Variants in NCOA7 observed in about 807,000 individuals in gnomAD.
NCOA7 encodes nuclear receptor coactivator 7, also known as 140 kDa estrogen receptor-associated protein.
Under a neutral mutation model 104.3 loss-of-function variants are expected in NCOA7, and 45 were observed. That is an observed-to-expected ratio of 0.43 (90% CI 0.34 to 0.55). The LOEUF is 0.55. NCOA7 is among the 20% of genes least tolerant of loss of function. NCOA7 has a pLI of 0.02. For missense variants in NCOA7, 1,041 were observed against 1,119.7 expected, an observed-to-expected ratio of 0.93 and a Z score of 1.00; for synonymous variants, 398 against 402.3, an observed-to-expected ratio of 0.99 and a Z score of 0.13.
intron 12 of NCOA7, among the ~76,000 whole-genome samples, chr6:125,921,365 G>A (rs550138123): frequency 2.0e-5 from 3 of 151,850 alleles, no homozygotes; most frequent in East Asian, 1.9e-4. Context: ...AGCCAAGATC[G>A]CACCACTGCA....
At chr6:125,869,967 G>A (rs888864621) in intron 3 of NCOA7, among the ~76,000 whole-genome samples, 3 of 152,186 alleles carry the variant, frequency 2.0e-5, no homozygotes, top group African/African-American at 7.2e-5. Context: ...AGAAACAGTA[G>A]GAAACTAGTT....
chr6:125,842,630 T>A (rs1368191146), intron 2 of NCOA7, among the ~76,000 whole-genome samples: 1 of 152,146 alleles, frequency 6.6e-6, no homozygotes, highest in African/African-American at 2.4e-5. Flanking sequence ...ATAAACAGCT[T>A]TGTGTAAGGG....
chr6:125,854,722 A>C (rs1781407173), intron 2 of NCOA7, among the ~76,000 whole-genome samples: 1 of 152,212 alleles, frequency 6.6e-6, no homozygotes, highest in Non-Finnish European at 1.5e-5. Flanking sequence ...AAAAATACTC[A>C]ACATTTCTTA....
At chr6:125,825,114 G>A (rs1195463161) in intron 2 of NCOA7, among the ~76,000 whole-genome samples, 2 of 149,234 alleles carry the variant, frequency 1.3e-5, no homozygotes, top group East Asian at 4.0e-4. Context: ...TAGGTGGGAG[G>A]AGTGCTAGAT....
intron 2 of NCOA7, among the ~76,000 whole-genome samples, chr6:125,830,532 T>A (rs536040818): frequency 1.3e-5 from 2 of 152,136 alleles, no homozygotes; most frequent in South Asian, 2.1e-4. Context: ...CTACAAAAAA[T>A]TTTTTTAAAT....
chr6:125,840,114 A>G (rs992920349), intron 2 of NCOA7, among the ~76,000 whole-genome samples: 1 of 152,058 alleles, frequency 6.6e-6, no homozygotes, highest in African/African-American at 2.4e-5. Flanking sequence ...GTGGAAGACA[A>G]TGACGTTGAT....
intron 10 of NCOA7, among the ~76,000 whole-genome samples, chr6:125,912,121 T>C (rs759890804): frequency 1.1e-4 from 16 of 152,240 alleles, no homozygotes; most frequent in Non-Finnish European, 2.4e-4. Flanking sequence ...CTTCAATTCG[T>C]GCTGTACAGG....
At chr6:125,848,120 T>C (rs1319957613) in intron 2 of NCOA7, among the ~76,000 whole-genome samples, 1 of 152,180 alleles carries the variant, frequency 6.6e-6, no homozygotes, top group Non-Finnish European at 1.5e-5. Flanking sequence ...ACGCCAGTTA[T>C]AATGGCGATC....
intron 4 of NCOA7, among the ~76,000 whole-genome samples, 155 bp from the exon 5 acceptor site, chr6:125,878,108 A>T (rs1274229949): frequency 6.6e-6 from 1 of 152,242 alleles, no homozygotes; most frequent in African/African-American, 2.4e-5. Flanking sequence ...AAATGATTTT[A>T]TTAAGAATTG....
intron 3 of NCOA7, among the ~76,000 whole-genome samples, chr6:125,868,955 T>TAAGCCC (rs1428671602): frequency 1.3e-5 from 2 of 152,238 alleles, no homozygotes; most frequent in Non-Finnish European, 2.9e-5. Context: ...ATAGTAAGTT[T>TAAGCCC]AAGCCCCATG....
At chr6:125,907,665 A>T (rs930410786) in intron 10 of NCOA7, among the ~76,000 whole-genome samples, 9 of 152,186 alleles carry the variant, frequency 5.9e-5, no homozygotes, top group Non-Finnish European at 8.8e-5. Context: ...CATTTATTTT[A>T]AAAAAGCGGG....
chr6:125,874,964 A>G lies in NCOA7; in HGVS notation c.347A>G (p.Tyr116Cys). Reference sequence around the variant, plus strand: ...CAGAAGCCCCATGGGACTATGGAATACACTGTGAGTATAACCAAGGTGGTA... The same window carrying G: ...CAGAAGCCCCATGGGACTATGGAATGCACTGTGAGTATAACCAAGGTGGTA... ...VVQKPHGTME[Y>C]TAGNQDTLNS... is the part of the protein sequence containing the mutation. The change falls in exon 4 of 16, where the codon TAC becomes TGC. Residue 116 changes from tyrosine to cysteine, a missense_variant. Physicochemically the swap from Tyr to Cys is radical, Grantham distance 194. Around this residue, in one of 2 missense-constraint regions of NCOA7, gnomAD observed 914 missense variants for 942.7 expected, o/e 0.97. Coordinates refer to ENST00000392477, the MANE Select transcript of NCOA7 (RefSeq NM_181782.5). 1.9e-6 allele frequency: 3 copies of G among 1,610,252 alleles called. No individual in the cohort carries two copies. In the South Asian group the frequency reaches 3.3e-5, roughly 18 times the overall value.
intron 2 of NCOA7, among the ~76,000 whole-genome samples, chr6:125,840,897 T>G: frequency 2.0e-5 from 1 of 51,058 alleles, no homozygotes; most frequent in East Asian, 7.8e-4. Flanking sequence ...TTTTTTTTTT[T>G]TTTTTTTTTT....
At chr6:125,923,500 T>G (rs1787767028) in intron 13 of NCOA7, among the ~76,000 whole-genome samples, 2 of 152,190 alleles carry the variant, frequency 1.3e-5, no homozygotes, top group Non-Finnish European at 2.9e-5. Context: ...CTGTCCAGGT[T>G]TTTTTCGGTC....
chr6:125,914,739 A>T (rs1786899012), intron 10 of NCOA7, among the ~76,000 whole-genome samples: 1 of 152,214 alleles, frequency 6.6e-6, no homozygotes, highest in Non-Finnish European at 1.5e-5. Flanking sequence ...GCCTGGAAAG[A>T]TACTTTGGAA....
intron 1 of NCOA7, among the ~76,000 whole-genome samples, chr6:125,811,399 G>A (rs1398963356): frequency 6.6e-6 from 1 of 152,188 alleles, no homozygotes; most frequent in African/African-American, 2.4e-5. Context: ...AGGAATTTAT[G>A]GTTGGGGCGA....
At chr6:125,831,484 G>GTT (rs79482554) in intron 2 of NCOA7, among the ~76,000 whole-genome samples, 1 of 141,614 alleles carries the variant, frequency 7.1e-6, no homozygotes. Context: ...AGGTTTGTTT[G>GTT]TTTTTTTTTT....
intron 2 of NCOA7, among the ~76,000 whole-genome samples, chr6:125,848,413 A>T (rs903632168): frequency 1.2e-4 from 18 of 152,208 alleles, no homozygotes; most frequent in Admixed American, 1.2e-3. Context: ...ATGTCCATCA[A>T]TGATAGACTG....
rs1195138637 is a variant in NCOA7 at position 125,855,102 on chromosome 6, A to T, written c.133A>T (p.Asn45Tyr). ...AAGGACTCATACTGGGAAGGAAGAT[A>T]ATAATACAGTAGTTTTAGAGCCAGA... is the stretch of plus-strand genomic sequence containing the variant. The part of the protein sequence containing the change: ...ATRTHTGKED[N>Y]NTVVLEPDKC... The change falls in exon 3 of 16, where the codon AAT (asparagine) becomes TAT (tyrosine). Residue 45 changes from asparagine (N) to tyrosine (Y), a missense_variant. By Grantham distance (143) the Asn-to-Tyr change is moderately radical. Transcript: ENST00000392477. 2 of 1,613,486 alleles carry T rather than the reference A, an allele frequency of 1.2e-6. No individual in the cohort carries two copies. Among genetic ancestry groups the T allele is most frequent in the Non-Finnish European group, 1.7e-6 (2 of 1,179,840 alleles).
Sources: allele counts gnomAD v4.1 joint callset (sites outside exome capture counted in the v4.1 genomes callset), GRCh38; gene constraint gnomAD v4.1.1; regional missense constraint gnomAD v4.1.1; transcripts MANE v1.5; gene names NCBI Gene and HGNC (gene_info 2026-07-23, HGNC 2026-07-21).